Variants in CFLAR observed in about 807,000 individuals in gnomAD.
The protein encoded by CFLAR is CASP8 and FADD like apoptosis regulator, also known as CASP8 and FADD-like apoptosis regulator.
Under a neutral mutation model 51.1 loss-of-function variants are expected in CFLAR, and 14 were observed. That is an observed-to-expected ratio of 0.27 (90% CI 0.18 to 0.43). The LOEUF (loss-of-function observed/expected upper bound fraction) is 0.43. CFLAR is among the 20% of genes least tolerant of loss of function. CFLAR has a pLI of 1.00. For missense variants in CFLAR, 390 were observed against 566.5 expected, an observed-to-expected ratio of 0.69 and a Z score of 3.16; for synonymous variants, 210 against 211.6, an observed-to-expected ratio of 0.99 and a Z score of 0.06.
chr2:201,160,117 T>G (rs191903216), intron 8 of CFLAR, among the ~76,000 whole-genome samples: 6 of 152,224 alleles, frequency 3.9e-5, no homozygotes, highest in Non-Finnish European at 2.9e-5. Context: ...ATAAGAAGAT[T>G]GTTGAAGAAA....
At chr2:201,156,193 G>A (rs957102721) in intron 8 of CFLAR, among the ~76,000 whole-genome samples, 3 of 152,176 alleles carry the variant, frequency 2.0e-5, no homozygotes, top group African/African-American at 7.2e-5. Context: ...TGTAAAACAA[G>A]AGTTTTCCGG....
chr2:201,139,214 T>G, intron 4 of CFLAR: 1 of 359,418 alleles, frequency 2.8e-6, no homozygotes. Flanking sequence ...TGTGCTTTGT[T>G]AAACAGATGC....
rs115137675 is a variant in CFLAR at position 201,136,153 on chromosome 2, A to G, written c.523+46A>G. 69 of 1,612,810 alleles carry G rather than the reference A, an allele frequency of 4.3e-5. No individual in the cohort carries two copies. The African/African-American group carries it at 8.3e-4, about 19-fold the overall frequency. On this transcript the variant is annotated intron_variant, in intron 4 of 9. Coordinates refer to ENST00000309955, the MANE Select transcript of CFLAR (RefSeq NM_003879.7). ...GTGGTCTAGGGGAAGTACTCTGTGC[A>G]TGGGGGTGGGCATCATGACTGATAA...
chr2:201,135,820 T>G, intron 3 of CFLAR, 152 bp from the exon 4 acceptor site: 1 of 948,618 alleles, frequency 1.1e-6, no homozygotes, highest in Non-Finnish European at 1.6e-6. Context: ...GAGATGGGGG[T>G]CTCACTATTT....
At chr2:201,119,190 C>G (rs2047919717) in intron 1 of CFLAR, 1 of 152,252 alleles carries the variant, frequency 6.6e-6, no homozygotes, top group African/African-American at 2.4e-5. Context: ...TCCAATGCCT[C>G]CTTGCCTTTA....
In CFLAR at chr2:201,160,618, C is replaced by T. The variant is rs758296065; in HGVS notation, c.980C>T (p.Thr327Ile). The change falls in exon 9 of 10, where the codon ACT becomes ATT. Residue 327 changes from threonine to isoleucine, a missense_variant. Transcript: ENST00000309955. ...GSQSVYGVDQ[T>I]HSGLPLHHIR... ...CAGAGTGTGTATGGTGTGGATCAGA[C>T]TCACTCAGGGCTCCCCCTGCATCAC... The T allele has an allele frequency of 1.2e-6, 2 of 1,613,674 alleles. No individual in the cohort carries two copies. The highest frequency in any genetic ancestry group is 1.7e-6 in the Non-Finnish European group (2 of 1,179,914).
intron 1 of CFLAR, among the ~76,000 whole-genome samples, chr2:201,125,042 AG>A (rs2048547539): frequency 6.6e-6 from 1 of 152,182 alleles, no homozygotes; most frequent in African/African-American, 2.4e-5. Flanking sequence ...ACAACATGTG[AG>A]GGGGTGCTCA....
At chr2:201,151,285 C>G (rs1187193793) in intron 8 of CFLAR, 1 of 152,066 alleles carries the variant, frequency 6.6e-6, no homozygotes, top group Non-Finnish European at 1.5e-5. Context: ...ATGAGAAGAG[C>G]CTAGATAAGT....
chr2:201,125,330 G>T (rs951356489), intron 1 of CFLAR, among the ~76,000 whole-genome samples: 5 of 152,144 alleles, frequency 3.3e-5, no homozygotes, highest in African/African-American at 1.2e-4. Flanking sequence ...CCTTCATGAG[G>T]TCCCAGCTTT....
Position 201,145,294 on chromosome 2 carries a change from A to T in CFLAR, c.607-84A>T. Reference sequence around the variant, plus strand: ...ATTTTTTTCCTGAGTTAAGAATCCTATTGAGACATTTAAAGAGGTGTAATG... The same window carrying T: ...ATTTTTTTCCTGAGTTAAGAATCCTTTTGAGACATTTAAAGAGGTGTAATG... On this transcript the variant is annotated intron_variant, in intron 5 of 9. Coordinates refer to ENST00000309955, the MANE Select transcript of CFLAR (RefSeq NM_003879.7). 5 of 757,540 alleles carry T rather than the reference A, an allele frequency of 6.6e-6. No individual in the cohort carries two copies. In the East Asian group the frequency reaches 1.0e-4, roughly 15 times the overall value. The allele number at this position is 757,540 out of a possible 1,614,324, so 46.9% of individuals were successfully genotyped here.
Position 201,175,039 on chromosome 2 carries a change from T to C in CFLAR, c.*11066T>C, listed in dbSNP as rs1253793752. The stretch of plus-strand genomic sequence containing the variant: ...CAACTGCCATAGCAACTTTCAGAAG[T>C]TACCCTGTATGGTCTAAAAGGTCCA... On this transcript the variant is annotated 3_prime_UTR_variant, in exon 10 of 10. Coordinates refer to ENST00000309955, the MANE Select transcript of CFLAR (RefSeq NM_003879.7). The C allele has an allele frequency of 6.6e-6, 1 of 152,172 alleles. No homozygotes were observed. Among genetic ancestry groups the C allele is most frequent in the East Asian group, 1.9e-4 (1 of 5,202 alleles). The allele number at this position is 152,172 out of a possible 1,614,324, so 9.4% of individuals were successfully genotyped here. A position where few individuals can be genotyped will look rare whatever the true frequency, so the allele number is the denominator to read the frequency against.
intron 9 of CFLAR, chr2:201,163,230 T>C: frequency 4.6e-6 from 6 of 1,298,712 alleles, no homozygotes; most frequent in Non-Finnish European, 3.9e-6. Flanking sequence ...TATATAAACA[T>C]TTTTTTAATG....
At chr2:201,148,863 C>T in intron 6 of CFLAR, 140 bp from the exon 7 acceptor site, 1 of 618,518 alleles carries the variant, frequency 1.6e-6, no homozygotes, top group Non-Finnish European at 2.9e-6. Flanking sequence ...ACCTTGGGGC[C>T]AAGTATAGCT....
intron 4 of CFLAR, chr2:201,139,547 G>T (rs887269503): frequency 6.5e-6 from 1 of 154,036 alleles, no homozygotes; most frequent in African/African-American, 2.4e-5. Context: ...AAACCTGATT[G>T]TATGTTCCAT....
chr2:201,148,829 C>T (rs1447118646), intron 6 of CFLAR, 174 bp from the exon 7 acceptor site: 2 of 544,770 alleles, frequency 3.7e-6, no homozygotes, highest in Non-Finnish European at 6.7e-6. Context: ...TTTCTTATGT[C>T]ACTTTCTTCA....
Position 201,163,945 on chromosome 2 carries a change from G to A in CFLAR, c.1415G>A (p.Arg472Lys). The A allele has an allele frequency of 6.2e-7, 1 of 1,614,006 alleles. No homozygotes were observed. The change falls in exon 10 of 10, where the codon AGA (arginine) becomes AAA (lysine). Residue 472 changes from arginine (R) to lysine (K), a missense_variant. Transcript: ENST00000309955. ...TATGTCTGGCTGCAGCACACTCTGA[G>A]AAAGAAACTTATCCTCTCCTACACA... ...KYYVWLQHTL[R>K]KKLILSYT
chr2:201,166,964 A>ACCGTGG lies in CFLAR; in HGVS notation c.*2991_*2992insCCGTGG, dbSNP rs780524352. ...AGAGGGAGACCGTGGGGAGAGGGAG[A>ACCGTGG]AGAGAGGGAGGGGGAGAGGGCTATT... On this transcript the variant is annotated 3_prime_UTR_variant, in exon 10 of 10. Transcript: ENST00000309955. The ACCGTGG allele has an allele frequency of 2.0e-5, 3 of 151,530 alleles. No individual in the cohort carries two copies. The highest frequency in any genetic ancestry group is 6.6e-5 in the Admixed American group (1 of 15,196). 9.4% of individuals were successfully genotyped at this position (151,530 alleles called of 1,614,324 possible).
intron 5 of CFLAR, chr2:201,141,603 C>T: frequency 1.5e-6 from 2 of 1,304,008 alleles, no homozygotes; most frequent in African/African-American, 1.5e-5. Flanking sequence ...CTTCTTTGTG[C>T]ATTTGTTTTT....
chr2:201,143,718 C>T (rs990963427), intron 5 of CFLAR, among the ~76,000 whole-genome samples: 3 of 152,018 alleles, frequency 2.0e-5, no homozygotes, highest in African/African-American at 7.2e-5. Context: ...AATCCCAGCA[C>T]TTTGGGAGGC....
Sources: gnomAD v4.1 joint callset for allele counts (sites outside exome capture counted in the v4.1 genomes callset) on GRCh38, gnomAD v4.1.1 for gene constraint, MANE v1.5 for transcripts, NCBI Gene and HGNC (gene_info 2026-07-23, HGNC 2026-07-21) for gene names.